PDE10A: variants seen among roughly 807,000 people sequenced by gnomAD.
PDE10A encodes the protein cAMP and cAMP-inhibited cGMP 3',5'-cyclic phosphodiesterase 10A.
Under a neutral mutation model 97.7 loss-of-function variants are expected in PDE10A, and 39 were observed. The observed-to-expected ratio is 0.40, with a 90% CI of 0.31 to 0.52. The LOEUF (loss-of-function observed/expected upper bound fraction) is 0.52. Ranked by LOEUF, PDE10A falls within the 20% of genes least tolerant of loss-of-function variation. The pLI is 0.56. For missense variants in PDE10A, 731 were observed against 1,047.8 expected, an observed-to-expected ratio of 0.70 and a Z score of 4.17; for synonymous variants, 371 against 376.8, an observed-to-expected ratio of 0.98 and a Z score of 0.18.
At chr6:165,917,047 A>C (rs1782625691) in intron 1 of PDE10A, among the ~76,000 whole-genome samples, 1 of 152,114 alleles carries the variant, frequency 6.6e-6, no homozygotes, top group Admixed American at 6.5e-5. Context: ...TGGTTATCTC[A>C]GCAGTTCAAA....
At chr6:165,513,749 G>A (rs557145588) in intron 2 of PDE10A, among the ~76,000 whole-genome samples, 2 of 152,102 alleles carry the variant, frequency 1.3e-5, no homozygotes, top group East Asian at 3.9e-4. Context: ...TCTGCTAAAT[G>A]TCTTAAGTAT....
chr6:165,579,897 G>T (rs1326323289), intron 1 of PDE10A, among the ~76,000 whole-genome samples: 1 of 152,088 alleles, frequency 6.6e-6, no homozygotes, highest in East Asian at 1.9e-4. Flanking sequence ...GCGAGCTATT[G>T]TTCAAAATGT....
At chr6:165,821,595 T>C (rs962408328) in intron 1 of PDE10A, among the ~76,000 whole-genome samples, 54 of 152,260 alleles carry the variant, frequency 3.5e-4, no homozygotes, top group African/African-American at 1.3e-3. Context: ...CTCAGCTCAC[T>C]ACAACCTCTG....
chr6:165,713,441 T>C (rs1477810611), intron 1 of PDE10A, among the ~76,000 whole-genome samples: 1 of 152,198 alleles, frequency 6.6e-6, no homozygotes, highest in African/African-American at 2.4e-5. Context: ...GGGCTTAGCA[T>C]TGTCCGTTTT....
intron 1 of PDE10A, among the ~76,000 whole-genome samples, chr6:165,879,581 G>A (rs1039394603): frequency 2.0e-5 from 3 of 152,138 alleles, no homozygotes; most frequent in African/African-American, 7.2e-5. Context: ...CAGGGGATTG[G>A]TTCCAGGACC....
intron 2 of PDE10A, among the ~76,000 whole-genome samples, chr6:165,515,426 C>T (rs1344622148): frequency 1.3e-5 from 2 of 150,846 alleles, no homozygotes; most frequent in Non-Finnish European, 2.9e-5. Context: ...AAAATGTATA[C>T]TTTTATATAA....
intron 1 of PDE10A, among the ~76,000 whole-genome samples, chr6:165,567,745 G>T (rs1288983702): frequency 1.3e-5 from 2 of 152,080 alleles, no homozygotes; most frequent in Non-Finnish European, 2.9e-5. Context: ...GGGGTTCGAA[G>T]ATATAAATAA....
At chr6:165,592,860 A>T (rs866176936) in intron 1 of PDE10A, among the ~76,000 whole-genome samples, 9 of 152,346 alleles carry the variant, frequency 5.9e-5, no homozygotes, top group Middle Eastern at 3.4e-3. Context: ...GGGACTTTAA[A>T]CTAGTTCAAC....
Position 165,567,993 on chromosome 6 carries a change from C to CCTTTTTTTTTTTTTTTTTTTTTT in PDE10A, c.866-24426_866-24425insAAAAAAAAAAAAAAAAAAAAAAG, listed in dbSNP as rs370865492. On this transcript the variant is annotated intron_variant, in intron 1 of 21. Transcript: ENST00000539869. ...AGCACACAATAGGTACGCAACAAGGCATTTTTTTTTTTTTTTTTTTTTTGA... is the reference window on the plus strand; with the variant it reads ...AGCACACAATAGGTACGCAACAAGGCCTTTTTTTTTTTTTTTTTTTTTTATTTTTTTTTTTTTTTTTTTTTTGA... 1.1e-4 allele frequency among the ~76,000 whole-genome samples: 13 copies of CCTTTTTTTTTTTTTTTTTTTTTT among 115,600 alleles called. 5 individuals are homozygous for CCTTTTTTTTTTTTTTTTTTTTTT. Among genetic ancestry groups the CCTTTTTTTTTTTTTTTTTTTTTT allele is most frequent in the Non-Finnish European group, 1.0e-4 (6 of 58,390 alleles). 75.8% of individuals were successfully genotyped at this position (115,600 alleles called of 152,430 possible). A position where few individuals can be genotyped will look rare whatever the true frequency, so the allele number is the denominator to read the frequency against.
At chr6:165,381,732 C>T (rs532894466) in intron 17 of PDE10A, among the ~76,000 whole-genome samples, 3 of 150,560 alleles carry the variant, frequency 2.0e-5, no homozygotes, top group Admixed American at 6.7e-5. Flanking sequence ...CTGCCTGCAT[C>T]GGCCTCCCAA....
At chr6:165,683,882 C>G (rs1173299049) in intron 1 of PDE10A, among the ~76,000 whole-genome samples, 2 of 152,154 alleles carry the variant, frequency 1.3e-5, no homozygotes, top group South Asian at 4.1e-4. Context: ...GTCCTAGGAA[C>G]CCCCAGGCAT....
chr6:165,376,806 C>A (rs918227073), intron 18 of PDE10A, among the ~76,000 whole-genome samples: 4 of 152,080 alleles, frequency 2.6e-5, no homozygotes, highest in Non-Finnish European at 5.9e-5. Flanking sequence ...GTAGTCCTAG[C>A]TACTCAGGAG....
chr6:165,541,628 T>A (rs1453464463), intron 2 of PDE10A, among the ~76,000 whole-genome samples: 1 of 152,234 alleles, frequency 6.6e-6, no homozygotes, highest in Non-Finnish European at 1.5e-5. Flanking sequence ...GCATCTTTTT[T>A]TATCAAGTGC....
chr6:165,729,513 A>C (rs1792375637), intron 1 of PDE10A, among the ~76,000 whole-genome samples: 1 of 152,214 alleles, frequency 6.6e-6, no homozygotes, highest in Non-Finnish European at 1.5e-5. Context: ...GGGGGGCAGC[A>C]ACCCAAAATT....
At chr6:165,450,568 T>G (rs1188700020) in intron 3 of PDE10A, among the ~76,000 whole-genome samples, 2 of 152,026 alleles carry the variant, frequency 1.3e-5, no homozygotes, top group Admixed American at 6.6e-5. Flanking sequence ...ATTTATTTAT[T>G]TATTTATTTT....
At chr6:165,435,479 TA>T in intron 5 of PDE10A, 102 bp from the exon 6 acceptor site, 1 of 985,158 alleles carries the variant, frequency 1.0e-6, no homozygotes, top group Non-Finnish European at 1.4e-6. Context: ...GTGAGCCAAT[TA>T]AAAGAAGAGT....
chr6:165,452,782 T>TAA (rs1777708507), intron 3 of PDE10A, among the ~76,000 whole-genome samples: 1 of 151,662 alleles, frequency 6.6e-6, no homozygotes, highest in African/African-American at 2.4e-5. Flanking sequence ...TATCTAAAAA[T>TAA]GTGGAAGCAG....
chr6:165,526,639 T>C (rs1782464667), intron 2 of PDE10A, among the ~76,000 whole-genome samples: 1 of 152,216 alleles, frequency 6.6e-6, no homozygotes, highest in South Asian at 2.1e-4. Context: ...CAGACGGATC[T>C]TGGAGAATGA....
chr6:165,819,530 C>G lies in PDE10A; in HGVS notation c.-615+167999G>C, dbSNP rs1192493771. ...CAGGGTGCCGGCAGCCTCCTCCGAC[C>G]TCCGAAGAGTGGTCATTGATTTGTC... On this transcript the variant is annotated intron_variant, in intron 1 of 19. Coordinates refer to the PDE10A transcript ENST00000366882. This position sits in a 1 kb window ranked among gnomAD's most constrained non-coding sequence, Gnocchi z 4.2. Among the ~76,000 whole-genome samples the G allele has an allele frequency of 6.6e-6, 1 of 152,164 alleles. No individual in the cohort carries two copies. Among genetic ancestry groups the G allele is most frequent in the Non-Finnish European group, 1.5e-5 (1 of 68,040 alleles).
Sources: allele counts gnomAD v4.1 joint callset (sites outside exome capture counted in the v4.1 genomes callset), GRCh38; gene constraint gnomAD v4.1.1; non-coding constraint Gnocchi (gnomAD v3.1); transcripts MANE v1.5; gene names NCBI Gene and HGNC (gene_info 2026-07-23, HGNC 2026-07-21).